Variants in CMTM7 observed in about 807,000 individuals in gnomAD.
CMTM7 encodes the protein CKLF-like MARVEL transmembrane domain-containing protein 7.
Under a neutral mutation model 19.3 loss-of-function variants are expected in CMTM7, and 7 were observed. That is an observed-to-expected ratio of 0.36 (90% CI 0.21 to 0.68). The LOEUF (loss-of-function observed/expected upper bound fraction) is 0.68. Among genes scored for constraint, CMTM7 ranks in the 30% least tolerant of loss-of-function variants. The pLI is 0.60. For missense variants in CMTM7, 193 were observed against 232.6 expected, an observed-to-expected ratio of 0.83 and a Z score of 1.11; for synonymous variants, 87 against 99.3, an observed-to-expected ratio of 0.88 and a Z score of 0.74.
intron 1 of CMTM7, among the ~76,000 whole-genome samples, chr3:32,409,100 C>A (rs942147831): frequency 1.3e-5 from 2 of 152,122 alleles, no homozygotes; most frequent in East Asian, 3.9e-4. Flanking sequence ...CCAGGATGGT[C>A]TCCATCTCTT....
At chr3:32,415,833 C>G (rs1440437597) in intron 1 of CMTM7, among the ~76,000 whole-genome samples, 1 of 152,188 alleles carries the variant, frequency 6.6e-6, no homozygotes, top group Non-Finnish European at 1.5e-5. Context: ...CAACTTGCCT[C>G]TGCAAATCTA....
chr3:32,450,644 C>T (rs1042420310), intron 3 of CMTM7, among the ~76,000 whole-genome samples: 4 of 152,166 alleles, frequency 2.6e-5, no homozygotes, highest in East Asian at 1.9e-4. Flanking sequence ...CACCTCTCTG[C>T]CCCCTCTCTC....
intron 4 of CMTM7, 45 bp downstream of exon 4, chr3:32,452,518 G>C (rs1696852798): frequency 6.3e-7 from 1 of 1,588,374 alleles, no homozygotes; most frequent in African/African-American, 1.3e-5. Flanking sequence ...CAGGAACAGG[G>C]GGATGGCTTG....
chr3:32,439,816 T>C (rs1696648893), intron 1 of CMTM7, among the ~76,000 whole-genome samples: 3 of 152,186 alleles, frequency 2.0e-5, no homozygotes, highest in Non-Finnish European at 4.4e-5. Flanking sequence ...ATAGCAGAAT[T>C]TTTCAACAGT....
intron 1 of CMTM7, among the ~76,000 whole-genome samples, chr3:32,435,130 A>G (rs1696577310): frequency 6.6e-6 from 1 of 152,216 alleles, no homozygotes; most frequent in Non-Finnish European, 1.5e-5. Flanking sequence ...GAGACCAGGC[A>G]CGGTGGCTCA....
intron 1 of CMTM7, among the ~76,000 whole-genome samples, chr3:32,399,947 C>T (rs543132499): frequency 5.4e-4 from 82 of 152,294 alleles, no homozygotes; most frequent in Non-Finnish European, 1.1e-3. Context: ...AATAGACTCA[C>T]CCACTCCCTC....
intron 1 of CMTM7, among the ~76,000 whole-genome samples, chr3:32,426,686 T>A (rs1275199682): frequency 6.6e-6 from 1 of 152,236 alleles, no homozygotes; most frequent in East Asian, 1.9e-4. Context: ...TAACAAGTAC[T>A]ATTTGATATC....
chr3:32,440,607 G>A (rs940638470), intron 1 of CMTM7, among the ~76,000 whole-genome samples: 2 of 152,106 alleles, frequency 1.3e-5, no homozygotes, highest in Non-Finnish European at 2.9e-5. Flanking sequence ...GCAAAACCCC[G>A]TCTCTACTAC....
At chr3:32,433,957 G>T (rs1262134444) in intron 1 of CMTM7, among the ~76,000 whole-genome samples, 1 of 152,038 alleles carries the variant, frequency 6.6e-6, no homozygotes, top group East Asian at 1.9e-4. Flanking sequence ...GGAGGCCGAG[G>T]CGGGTGAATC....
intron 1 of CMTM7, among the ~76,000 whole-genome samples, chr3:32,394,731 C>CT (rs1179256442): frequency 6.6e-6 from 1 of 152,122 alleles, no homozygotes; most frequent in Non-Finnish European, 1.5e-5. Context: ...GAGTCTTGCT[C>CT]TGTCACCAGG....
At chr3:32,402,079 G>T (rs537737750) in intron 1 of CMTM7, among the ~76,000 whole-genome samples, 2 of 152,258 alleles carry the variant, frequency 1.3e-5, no homozygotes, top group South Asian at 4.2e-4. Flanking sequence ...TTTAAGCAAA[G>T]GTTTTGTTTG....
intron 2 of CMTM7, among the ~76,000 whole-genome samples, chr3:32,442,498 C>CAAAAAAAAAAAAA (rs59568281): frequency 8.7e-5 from 7 of 80,048 alleles, no homozygotes; most frequent in African/African-American, 3.4e-4. Flanking sequence ...AGACTCCTCT[C>CAAAAAAAAAAAAA]AAAAAAAAAA....
chr3:32,452,514 C>G (rs368378519), intron 4 of CMTM7, 41 bp downstream of exon 4: 30 of 1,595,712 alleles, frequency 1.9e-5, no homozygotes, highest in Non-Finnish European at 2.1e-5. Flanking sequence ...CTCTCAGGAA[C>G]AGGGGGATGG....
At chr3:32,412,169 A>C (rs1051886836) in intron 1 of CMTM7, among the ~76,000 whole-genome samples, 1 of 151,874 alleles carries the variant, frequency 6.6e-6, no homozygotes, top group South Asian at 2.1e-4. Context: ...TGCAGTGGGC[A>C]TGTTAATATA....
intron 1 of CMTM7, among the ~76,000 whole-genome samples, chr3:32,404,628 C>T (rs575733702): frequency 2.3e-4 from 35 of 152,316 alleles, no homozygotes; most frequent in African/African-American, 5.3e-4. Flanking sequence ...CTTTTTCCAC[C>T]GTGGTGTGCT....
intron 1 of CMTM7, among the ~76,000 whole-genome samples, chr3:32,416,874 A>G (rs1254607637): frequency 2.6e-5 from 4 of 152,176 alleles, no homozygotes; most frequent in African/African-American, 9.7e-5. Flanking sequence ...CTTTTTACAA[A>G]GTGTACTAAG....
At chr3:32,423,829 C>G (rs1487134833) in intron 1 of CMTM7, among the ~76,000 whole-genome samples, 1 of 152,214 alleles carries the variant, frequency 6.6e-6, no homozygotes, top group African/African-American at 2.4e-5. Flanking sequence ...GCCAGCCCCC[C>G]AGGTGCAGGT....
intron 1 of CMTM7, among the ~76,000 whole-genome samples, chr3:32,395,516 G>T (rs1695902526): frequency 6.6e-6 from 1 of 152,162 alleles, no homozygotes; most frequent in East Asian, 1.9e-4. Flanking sequence ...AGGCCTAATG[G>T]CCTGATCTCC....
At chr3:32,435,383 G>A (rs1368300578) in intron 1 of CMTM7, among the ~76,000 whole-genome samples, 6 of 152,322 alleles carry the variant, frequency 3.9e-5, no homozygotes, top group Middle Eastern at 6.8e-3. Flanking sequence ...CAGCCTGGGC[G>A]ACTGGGAGAG....
Sources: gnomAD v4.1 joint callset for allele counts (sites outside exome capture counted in the v4.1 genomes callset) on GRCh38, gnomAD v4.1.1 for gene constraint, MANE v1.5 for transcripts, NCBI Gene and HGNC (gene_info 2026-07-23, HGNC 2026-07-21) for gene names.